CDH16: variants seen among roughly 807,000 people sequenced by gnomAD.
The protein encoded by CDH16 is cadherin 16, also known as cadherin-16.
In CDH16, 79 loss-of-function variants were observed where a neutral mutation model predicts 87.6. The ratio of observed to expected loss-of-function variants is 0.90; its 90% CI spans 0.75 to 1.09. The LOEUF (loss-of-function observed/expected upper bound fraction) is 1.09. CDH16 is among the 50% of genes least tolerant of loss of function. The pLI is 0.00. For missense variants in CDH16, 1,124 were observed against 1,071.7 expected, an observed-to-expected ratio of 1.05 and a Z score of -0.68; for synonymous variants, 457 against 439.5, an observed-to-expected ratio of 1.04 and a Z score of -0.50.
Position 66,912,312 on chromosome 16 carries a change from C to T in CDH16, c.1478G>A (p.Gly493Glu), listed in dbSNP as rs780024113. The change falls in exon 12 of 18, where the codon GGA (glycine) becomes GAA (glutamate). Residue 493 changes from glycine to glutamate, a missense_variant. Gly to Glu is a moderately conservative substitution (Grantham distance 98). Transcript: ENST00000299752. ...CAGGCCAAAAGTCCCTTCTGTGTCTCCCCTCTCAATGGCAAAATCCATGAG... is the reference window on the plus strand; with the variant it reads ...CAGGCCAAAAGTCCCTTCTGTGTCTTCCCTCTCAATGGCAAAATCCATGAG... ...FRLMDFAIER[G>E]DTEGTFGLDW... 4 of 1,614,212 alleles carry T rather than the reference C, an allele frequency of 2.5e-6. No individual in the cohort carries two copies. In the South Asian group the frequency reaches 3.3e-5, roughly 13 times the overall value.
At position 66,917,697 on chromosome 16, in the gene CDH16, A is replaced by G. The variant is rs1962744392; in HGVS notation, c.74T>C (p.Leu25Pro). ...QALPKAQPAE[L>P]SVEVPENYGG... is the part of the protein sequence containing the mutation. ...ATAGTTTTCTGGAACTTCCACAGAC[A>G]GCTCTGCAGGCTGGGCCTTGGGGAG... The change falls in exon 3 of 18, where the codon CTG becomes CCG. Residue 25 changes from leucine to proline, a missense_variant. Coordinates refer to ENST00000299752, the MANE Select transcript of CDH16 (RefSeq NM_004062.4). The G allele has an allele frequency of 1.2e-6, 2 of 1,613,208 alleles. No individual in the cohort carries two copies. Among genetic ancestry groups the G allele is most frequent in the East Asian group, 4.5e-5 (2 of 44,880 alleles).
In CDH16 at chr16:66,915,484, A is replaced by G. The variant is rs553291118; in HGVS notation, c.425-106T>C. On this transcript the variant is annotated intron_variant, in intron 5 of 17. Transcript: ENST00000299752. ...TCCTTTCTTCCCTATCCATTATCAC[A>G]TCAGGACTCCGGAGATGAGCCACGG... 184 of 1,278,012 alleles carry G rather than the reference A, an allele frequency of 1.4e-4. 3 individuals carry two copies. The South Asian group carries it at 1.7e-3, about 12-fold the overall frequency. 79.2% of individuals were successfully genotyped at this position (1,278,012 alleles called of 1,614,324 possible). A position where few individuals can be genotyped will look rare whatever the true frequency, so the allele number is the denominator to read the frequency against.
rs372979080 is a variant in CDH16 at position 66,911,939 on chromosome 16, G to C, written c.1750C>G (p.Leu584Val). ...ATGGGGTCGGAGGGCTGGATGGTCAGCAGGAAAGAGCCGGCTGGGGCACTG... is the reference window on the plus strand; with the variant it reads ...ATGGGGTCGGAGGGCTGGATGGTCACCAGGAAAGAGCCGGCTGGGGCACTG... ...PISAPAGSFLLTIQPSDPISR... is the reference protein window; with the variant it reads ...PISAPAGSFLVTIQPSDPISR... The change falls in exon 13 of 18, where the codon CTG becomes GTG. Residue 584 changes from leucine to valine, a missense_variant. By Grantham distance (32) the Leu-to-Val change is conservative (BLOSUM62 1). Transcript: ENST00000299752. The C allele has an allele frequency of 2.4e-5, 39 of 1,612,140 alleles. No individual in the cohort carries two copies. In the African/African-American group the frequency reaches 4.3e-4, roughly 18 times the overall value.
In CDH16 at chr16:66,909,451, C is replaced by T. The variant is rs769821324; in HGVS notation, c.2276-68G>A. On this transcript the variant is annotated intron_variant, in intron 16 of 17. Transcript: ENST00000299752. The surrounding 1 kb of genome is among the most constrained non-coding windows in gnomAD (Gnocchi z 4.1). ...CTCCCCAGCTGCTCAGAGCCCCCAG[C>T]CCAGCCACCTGGCTGATATGTGTGT... 7.4e-5 allele frequency: 79 copies of T among 1,072,378 alleles called. No homozygotes were observed. The highest frequency in any genetic ancestry group is 1.1e-4 in the Non-Finnish European group (76 of 715,106). The allele number at this position is 1,072,378 out of a possible 1,614,324, so 66.4% of individuals were successfully genotyped here.
In CDH16 at chr16:66,913,530, GAGGTTT is replaced by G. The variant is rs768237612; in HGVS notation, c.858_863del (p.Asn287_Leu288del). 20 of 1,614,154 alleles carry G rather than the reference GAGGTTT, an allele frequency of 1.2e-5. No individual in the cohort carries two copies. Among genetic ancestry groups the G allele is most frequent in the Admixed American group, 1.7e-5 (1 of 60,024 alleles). ...CTCTGTCCAGCTCTCTGGTCACGTAGAGGTTTCCCTCTGCATTCACTTCAAAGGGTC... is the reference window on the plus strand; with the variant it reads ...CTCTGTCCAGCTCTCTGGTCACGTAGCCCTCTGCATTCACTTCAAAGGGTC... On this transcript the variant is annotated inframe_deletion, in exon 8 of 18. Coordinates refer to ENST00000299752, the MANE Select transcript of CDH16 (RefSeq NM_004062.4).
intron 17 of CDH16, 121 bp from the exon 18 acceptor site, chr16:66,908,610 T>C: frequency 1.3e-6 from 1 of 798,564 alleles, no homozygotes; most frequent in Non-Finnish European, 2.1e-6. Context: ...GACAGCATCC[T>C]GAGGCTGGGC....
At position 66,912,816 on chromosome 16, in the gene CDH16, AG is replaced by A; in HGVS notation, c.1129del (p.Leu377SerfsTer2). The part of the protein sequence containing the change: ...GSPNSHVVYQ[L>X]LSPEPEDGVE... ...CCCATCCTCAGGCTCAGGGCTCAGG[AG>A]CTGATACACAACGTGGGAATTGGGG... On this transcript the variant is annotated frameshift_variant, in exon 10 of 18. Transcript: ENST00000299752. LOFTEE classifies it high-confidence loss of function. 1 of 1,613,596 alleles carries A rather than the reference AG, an allele frequency of 6.2e-7. No individual in the cohort carries two copies. The highest frequency in any genetic ancestry group is 8.5e-7 in the Non-Finnish European group (1 of 1,179,994).
In CDH16 at chr16:66,913,581, G is replaced by A. The variant is rs766335270; in HGVS notation, c.813C>T (p.His271=). 2 of 1,613,970 alleles carry A rather than the reference G, an allele frequency of 1.2e-6. No homozygotes were observed. The highest frequency in any genetic ancestry group is 2.2e-5 in the East Asian group (1 of 44,888). ...VHWSGGDVHY[H]LESHPPGPFE... The stretch of plus-strand genomic sequence containing the variant: ...AGGGTCCCGGGGGATGGCTCTCCAG[G>A]TGATAGTGCACATCACCCCCACTCC... The change falls in exon 8 of 18, where the codon CAC becomes CAT. Residue 271 remains histidine, a synonymous_variant. Coordinates refer to ENST00000299752, the MANE Select transcript of CDH16 (RefSeq NM_004062.4).
In CDH16 at chr16:66,909,492, T is replaced by A; in HGVS notation, c.2276-109A>T. The A allele has an allele frequency of 2.8e-6, 2 of 707,504 alleles. No individual in the cohort carries two copies. The highest frequency in any genetic ancestry group is 4.9e-6 in the Non-Finnish European group (2 of 406,002). The allele number at this position is 707,504 out of a possible 1,614,324, so 43.8% of individuals were successfully genotyped here. A position where few individuals can be genotyped will look rare whatever the true frequency, so the allele number is the denominator to read the frequency against. ...ATATGTGTGTGTTTCTGCACATGTGTGTATTCACATGTGTGTGAAGATATA... is the reference window on the plus strand; with the variant it reads ...ATATGTGTGTGTTTCTGCACATGTGAGTATTCACATGTGTGTGAAGATATA... On this transcript the variant is annotated intron_variant, in intron 16 of 17. Transcript: ENST00000299752. This position sits in a 1 kb window ranked among gnomAD's most constrained non-coding sequence, Gnocchi z 4.1.
chr16:66,917,812 TC>T (rs1962753859), intron 2 of CDH16, 87 bp from the exon 3 acceptor site: 1 of 1,222,156 alleles, frequency 8.2e-7, no homozygotes, highest in Non-Finnish European at 1.2e-6. Context: ...TTCCGCCCCT[TC>T]CCAGGGCCTG....
intron 7 of CDH16, among the ~76,000 whole-genome samples, 181 bp downstream of exon 7, chr16:66,914,035 G>A (rs780080021): frequency 2.0e-5 from 3 of 152,212 alleles, no homozygotes; most frequent in Admixed American, 6.5e-5. Context: ...AGCAGGCGAG[G>A]GGCTGTGGGC....
At chr16:66,913,378 C>A (rs1269425150) in intron 8 of CDH16, 97 bp from the exon 9 acceptor site, 2 of 1,565,648 alleles carry the variant, frequency 1.3e-6, no homozygotes, top group Non-Finnish European at 1.7e-6. Context: ...TCCAGCTCTT[C>A]GGGGCTCTTT....
intron 14 of CDH16, 177 bp downstream of exon 14, chr16:66,911,005 C>T: frequency 1.7e-6 from 1 of 584,088 alleles, no homozygotes; most frequent in Non-Finnish European, 2.9e-6. Context: ...CAGACTTGCC[C>T]ACCGGAGGAG....
intron 13 of CDH16, 46 bp from the exon 14 acceptor site, chr16:66,911,361 G>A: frequency 6.3e-7 from 1 of 1,596,888 alleles, no homozygotes. Flanking sequence ...ACTACATATA[G>A]GGTTTTGCTC....
rs747755011 is a variant in CDH16, at chr16:66,910,275, G to A, written c.2152C>T (p.Leu718Phe). Residue 718 changes from leucine to phenylalanine, a missense_variant, in exon 15 of 18, where the codon CTC becomes TTC. Physicochemically the swap from Leu to Phe is conservative, Grantham distance 22. Coordinates refer to ENST00000299752, the MANE Select transcript of CDH16 (RefSeq NM_004062.4). ...CACCACACACCATTGAGAGTCTGGAGGCGCCAATCCCGTTGCACCGTGGGG... is the reference window on the plus strand; with the variant it reads ...CACCACACACCATTGAGAGTCTGGAAGCGCCAATCCCGTTGCACCGTGGGG... The part of the protein sequence containing the change: ...PNPTVQRDWR[L>F]QTLNGSHAYL... 1 of 1,603,820 alleles carries A rather than the reference G, an allele frequency of 6.2e-7. No homozygotes were observed. Among genetic ancestry groups the A allele is most frequent in the Admixed American group, 1.7e-5 (1 of 58,876 alleles).
intron 7 of CDH16, among the ~76,000 whole-genome samples, 183 bp downstream of exon 7, chr16:66,914,032 GA>G (rs1454899914): frequency 1.3e-5 from 2 of 152,216 alleles, no homozygotes; most frequent in Non-Finnish European, 2.9e-5. Context: ...CAGAGCAGGC[GA>G]GGGGCTGTGG....
At position 66,914,392 on chromosome 16, in the gene CDH16, C is replaced by G; in HGVS notation, c.604G>C (p.Ala202Pro). The change falls in exon 7 of 18, where the codon GCC (alanine) becomes CCC (proline). Residue 202 changes from alanine to proline, a missense_variant. By Grantham distance (27) the Ala-to-Pro change is conservative (BLOSUM62 -1). Coordinates refer to ENST00000299752, the MANE Select transcript of CDH16 (RefSeq NM_004062.4). ...AACAGCTGGTAGGTCCTCTCCAGGG[C>G]GTGGTCAAGGCTGGTGCTCCCTAGA... is the stretch of plus-strand genomic sequence containing the variant. ...SPKGSTSLDH[A>P]LERTYQLLVQ... 6.2e-7 allele frequency: 1 copy of G among 1,613,936 alleles called. No homozygotes were observed. Among genetic ancestry groups the G allele is most frequent in the Non-Finnish European group, 8.5e-7 (1 of 1,179,880 alleles).
chr16:66,910,690 A>T, intron 14 of CDH16, 188 bp from the exon 15 acceptor site: 1 of 615,828 alleles, frequency 1.6e-6, no homozygotes, highest in Non-Finnish European at 2.5e-6. Context: ...GGCGGAGCTC[A>T]CTGCTGCTGG....
chr16:66,912,468 A>T, intron 11 of CDH16, 36 bp downstream of exon 11: 1 of 1,614,110 alleles, frequency 6.2e-7, no homozygotes. Context: ...CCCCACCAGC[A>T]TCCTTCCCAA....
Sources: allele counts gnomAD v4.1 joint callset (sites outside exome capture counted in the v4.1 genomes callset), GRCh38; gene constraint gnomAD v4.1.1; non-coding constraint Gnocchi (gnomAD v3.1); transcripts MANE v1.5; gene names NCBI Gene and HGNC (gene_info 2026-07-23, HGNC 2026-07-21).